PER2: variants seen among roughly 807,000 people sequenced by gnomAD.
PER2 encodes the protein period circadian protein homolog 2.
PER2 carries 66 observed loss-of-function variants against 121.0 expected under a neutral mutation model. That is an observed-to-expected ratio of 0.55 (90% CI 0.45 to 0.67). The LOEUF (loss-of-function observed/expected upper bound fraction) is 0.67, where lower values mean the gene tolerates loss of function less well. Among genes scored for constraint, PER2 ranks in the 30% least tolerant of loss-of-function variants. PER2 has a pLI of 0.00. For missense variants in PER2, 1,521 were observed against 1,635.0 expected, an observed-to-expected ratio of 0.93 and a Z score of 1.20; for synonymous variants, 684 against 659.9, an observed-to-expected ratio of 1.04 and a Z score of -0.56.
At position 238,244,872 on chromosome 2, in the gene PER2, CCT is replaced by C. The variant is rs1389246915; in HGVS notation, c.*1501_*1502del. 1.3e-5 allele frequency: 2 copies of C among 151,714 alleles called. No homozygotes were observed. Among genetic ancestry groups the C allele is most frequent in the Admixed American group, 1.3e-4 (2 of 15,232 alleles). The allele number at this position is 151,714 out of a possible 1,614,324, so 9.4% of individuals were successfully genotyped here. ...ACCAGCCTGGCCAACATGGTGAAAC[CCT>C]GTCTCTACTAAAAATACAAAAAATT... On this transcript the variant is annotated 3_prime_UTR_variant, in exon 23 of 23. Transcript: ENST00000254657.
At chr2:238,263,127 T>C (rs956933763) in intron 9 of PER2, 69 bp from the exon 10 acceptor site, 4 of 934,210 alleles carry the variant, frequency 4.3e-6, no homozygotes, top group Non-Finnish European at 6.9e-6. Context: ...CTAAGAACCA[T>C]CTTATTCCCT....
At position 238,261,803 on chromosome 2, in the gene PER2, G is replaced by A. The variant is rs1695942382; in HGVS notation, c.1342C>T (p.Pro448Ser). 1 of 1,575,008 alleles carries A rather than the reference G, an allele frequency of 6.3e-7. No individual in the cohort carries two copies. The highest frequency in any genetic ancestry group is 8.6e-7 in the Non-Finnish European group (1 of 1,159,216). The change falls in exon 12 of 23, where the codon CCC becomes TCC. Residue 448 changes from proline to serine, a missense_variant. Transcript: ENST00000254657. ...TGCAGGGCCTTCTCCTCTGTGCAGG[G>A]GTGGGCTGCAAACACGTCCTCATTC... is the stretch of plus-strand genomic sequence containing the variant. ...PLNEDVFAAH[P>S]CTEEKALHPS...
chr2:238,266,046 GGC>G (rs1696087264), intron 8 of PER2, among the ~76,000 whole-genome samples: 1 of 152,082 alleles, frequency 6.6e-6, no homozygotes, highest in Non-Finnish European at 1.5e-5. Flanking sequence ...TGGGACTACA[GGC>G]GTGTGCCACC....
chr2:238,263,046 G>C lies in PER2; in HGVS notation c.1059C>G (p.Leu353=). Residue 353 remains leucine, a synonymous_variant, in exon 10 of 23, where the codon CTC becomes CTG. Coordinates refer to ENST00000254657, the MANE Select transcript of PER2 (RefSeq NM_022817.3). ...TCAGGTCCTGAGGTAGGTAGCCCAG[G>C]AGAGGGACCGCCCTGGAAGGCAAGC... ...FQDVDERAVP[L]LGYLPQDLIE... is the part of the protein sequence containing the mutation. The C allele has an allele frequency of 6.2e-7, 1 of 1,611,544 alleles. No individual in the cohort carries two copies. Among genetic ancestry groups the C allele is most frequent in the African/African-American group, 1.3e-5 (1 of 74,984 alleles).
At position 238,265,203 on chromosome 2, in the gene PER2, G is replaced by A. The variant is rs538534192; in HGVS notation, c.1046+309C>T. 2.0e-4 allele frequency among the ~76,000 whole-genome samples: 31 copies of A among 152,288 alleles called. No individual in the cohort carries two copies. In the South Asian group the frequency reaches 5.0e-3, roughly 24 times the overall value. On this transcript the variant is annotated intron_variant, in intron 9 of 22. Transcript: ENST00000254657. ...CTGGGATCCAGCCAATGGCATCTCC[G>A]GCTTCCACCCTGACACTGGTCCCAG...
chr2:238,298,586 T>C, the PER2 span: 1 of 152,170 alleles, frequency 6.6e-6, no homozygotes, highest in East Asian at 1.9e-4. Context: ...GGGGGAAAAG[T>C]CAGAGAATAC....
chr2:238,256,910 C>G lies in PER2; in HGVS notation c.2065+12G>C. ...TCAAACTGCTCTCTGATCCAAGAGC[C>G]CATAGTCATACCTAACTCCGGCTGC... is the stretch of plus-strand genomic sequence containing the variant. On this transcript the variant is annotated intron_variant, in intron 17 of 22. Coordinates refer to ENST00000254657, the MANE Select transcript of PER2 (RefSeq NM_022817.3). The G allele has an allele frequency of 1.9e-6, 3 of 1,613,064 alleles. No individual in the cohort carries two copies. Among genetic ancestry groups the G allele is most frequent in the Non-Finnish European group, 2.5e-6 (3 of 1,179,196 alleles).
upstream of PER2, among the ~76,000 whole-genome samples, chr2:238,291,560 G>A (rs1696950296): frequency 6.6e-6 from 1 of 152,196 alleles, no homozygotes; most frequent in Non-Finnish European, 1.5e-5. Flanking sequence ...AGGAGGTGGT[G>A]GCCAGCAAAG....
intron 22 of PER2, among the ~76,000 whole-genome samples, chr2:238,248,748 G>C (rs766762690): frequency 4.0e-5 from 6 of 150,622 alleles, no homozygotes; most frequent in Non-Finnish European, 5.9e-5. Flanking sequence ...CTCTGCCTCC[G>C]GGGTTCCCGC....
the PER2 span, among the ~76,000 whole-genome samples, chr2:238,297,848 G>A: frequency 6.6e-6 from 1 of 152,114 alleles, no homozygotes; most frequent in East Asian, 1.9e-4. Context: ...CCAAGGCATG[G>A]TTTCCCAATG....
At chr2:238,277,393 T>A (rs548301093) in intron 2 of PER2, among the ~76,000 whole-genome samples, 200 bp from the exon 3 acceptor site, 1 of 152,268 alleles carries the variant, frequency 6.6e-6, no homozygotes, top group African/African-American at 2.4e-5. Flanking sequence ...AAACACATGA[T>A]AACAGGAGCC....
the PER2 span, among the ~76,000 whole-genome samples, chr2:238,296,787 G>T: frequency 2.0e-5 from 3 of 152,240 alleles, no homozygotes; most frequent in East Asian, 5.8e-4. Flanking sequence ...CCCAGGGGGG[G>T]TTCCCTGAGA....
intron 20 of PER2, 104 bp downstream of exon 20, chr2:238,251,495 G>A: frequency 9.8e-7 from 1 of 1,025,332 alleles, no homozygotes; most frequent in East Asian, 2.4e-5. Context: ...CTTGGGGAGT[G>A]CCGGTGATCC....
Position 238,251,641 on chromosome 2 carries a change from C to A in PER2, c.3232G>T (p.Gly1078Cys). The A allele has an allele frequency of 6.2e-7, 1 of 1,614,178 alleles. No homozygotes were observed. The highest frequency in any genetic ancestry group is 8.5e-7 in the Non-Finnish European group (1 of 1,180,026). Residue 1078 changes from glycine to cysteine, a missense_variant, in exon 20 of 23, where the codon GGC becomes TGC. Transcript: ENST00000254657. ...GCGTCGCAGCCCAGTGAGCCGGAGC[C>A]CAGAGACTCCGAAGCAGCAGAGCCC... ...ASGSAASESL[G>C]SGSLGCDASP...
chr2:238,282,589 TAAC>T (rs1341629043), intron 1 of PER2, among the ~76,000 whole-genome samples: 3 of 152,012 alleles, frequency 2.0e-5, no homozygotes, highest in East Asian at 1.9e-4. Context: ...GAACAATAAA[TAAC>T]AACAACAATA....
In PER2 at chr2:238,268,927, C is replaced by T; in HGVS notation, c.820G>A (p.Val274Ile). ...CMEEKSFFCR[V>I]SVRKSHENEI... ...AAAACTGGGAACCAGGCTTACCTGACACGGCAAAAGAAAGATTTCTCCTCC... is the reference window on the plus strand; with the variant it reads ...AAAACTGGGAACCAGGCTTACCTGATACGGCAAAAGAAAGATTTCTCCTCC... Residue 274 changes from valine (V) to isoleucine (I), a missense_variant, in exon 7 of 23, where the codon GTC becomes ATC. Coordinates refer to ENST00000254657, the MANE Select transcript of PER2 (RefSeq NM_022817.3). The surrounding 1 kb of genome is among the most constrained non-coding windows in gnomAD (Gnocchi z 4.0). 2 of 1,610,564 alleles carry T rather than the reference C, an allele frequency of 1.2e-6. No homozygotes were observed. Among genetic ancestry groups the T allele is most frequent in the Non-Finnish European group, 8.5e-7 (1 of 1,176,706 alleles).
chr2:238,297,588 G>A, the PER2 span, among the ~76,000 whole-genome samples: 1 of 152,220 alleles, frequency 6.6e-6, no homozygotes, highest in Non-Finnish European at 1.5e-5. Flanking sequence ...TGAGGAATGG[G>A]ACCCTGTTCC....
intron 5 of PER2, 125 bp downstream of exon 5, chr2:238,272,945 A>G: frequency 1.2e-6 from 1 of 842,654 alleles, no homozygotes; most frequent in Non-Finnish European, 2.0e-6. Context: ...TTTTAAAGGT[A>G]GGAACTTATC....
chr2:238,273,204 C>G lies in PER2; in HGVS notation c.449-13G>C, dbSNP rs368043517. On this transcript the variant is annotated splice_polypyrimidine_tract_variant and intron_variant, in intron 4 of 22. Coordinates refer to ENST00000254657, the MANE Select transcript of PER2 (RefSeq NM_022817.3). The stretch of plus-strand genomic sequence containing the variant: ...TACTCTTCATTGGCTGCAGGAGAGA[C>G]AGTGTTCACTCAGTGGGCAGAACCC... 2.5e-6 allele frequency: 4 copies of G among 1,610,806 alleles called. No individual in the cohort carries two copies. In the African/African-American group the frequency reaches 4.0e-5, roughly 16 times the overall value.
Sources: gnomAD v4.1 joint callset for allele counts (sites outside exome capture counted in the v4.1 genomes callset) on GRCh38, gnomAD v4.1.1 for gene constraint, Gnocchi (gnomAD v3.1) non-coding constraint, MANE v1.5 for transcripts, NCBI Gene and HGNC (gene_info 2026-07-23, HGNC 2026-07-21) for gene names.